The following CCSER1 variants were observed in gnomAD, a reference collection of about 807,000 sequenced individuals.
CCSER1 encodes serine-rich coiled-coil domain-containing protein 1.
In CCSER1, 41 loss-of-function variants were observed where a neutral mutation model predicts 82.0. The observed-to-expected ratio is 0.50, with a 90% CI of 0.39 to 0.65. CCSER1 has a LOEUF of 0.65. Among genes scored for constraint, CCSER1 ranks in the 30% least tolerant of loss-of-function variants. The pLI is 0.00. For missense variants in CCSER1, 1,119 were observed against 1,064.2 expected, an observed-to-expected ratio of 1.05 and a Z score of -0.72; for synonymous variants, 414 against 383.9, an observed-to-expected ratio of 1.08 and a Z score of -0.92.
intron 5 of CCSER1, among the ~76,000 whole-genome samples, chr4:90,608,250 C>A (rs1784993924): frequency 6.6e-6 from 1 of 152,100 alleles, no homozygotes; most frequent in Non-Finnish European, 1.5e-5. Flanking sequence ...GTTGGCCAGG[C>A]CACGGTGTTA....
intron 5 of CCSER1, among the ~76,000 whole-genome samples, chr4:90,553,850 A>G (rs1183447152): frequency 2.0e-5 from 3 of 152,226 alleles, no homozygotes; most frequent in East Asian, 1.9e-4. Context: ...TCTCATGTGT[A>G]AAATGATTTC....
At chr4:90,157,789 A>G (rs1257265785) in intron 1 of CCSER1, among the ~76,000 whole-genome samples, 8 of 152,014 alleles carry the variant, frequency 5.3e-5, no homozygotes, top group Non-Finnish European at 1.2e-4. Flanking sequence ...ATTTTTTTCG[A>G]AGTTTTTAAC....
chr4:91,164,069 A>T (rs1276842611), intron 10 of CCSER1, among the ~76,000 whole-genome samples: 2 of 152,120 alleles, frequency 1.3e-5, no homozygotes, highest in Non-Finnish European at 2.9e-5. Flanking sequence ...GGCTGGTACC[A>T]GTTGTTCCTT....
intron 10 of CCSER1, among the ~76,000 whole-genome samples, chr4:91,305,874 A>G (rs1352498654): frequency 6.6e-6 from 1 of 151,920 alleles, no homozygotes; most frequent in East Asian, 2.0e-4. Flanking sequence ...GGGAACTGCC[A>G]TTTATAAAAC....
intron 10 of CCSER1, among the ~76,000 whole-genome samples, chr4:91,337,546 G>C (rs552166192): frequency 6.6e-6 from 1 of 152,002 alleles, no homozygotes; most frequent in African/African-American, 2.4e-5. Flanking sequence ...GCTTCTTTAC[G>C]TAACCCTTAA....
chr4:91,013,248 G>A (rs1256129361), intron 9 of CCSER1, among the ~76,000 whole-genome samples: 1 of 133,088 alleles, frequency 7.5e-6, no homozygotes, highest in Non-Finnish European at 1.7e-5. Flanking sequence ...TTTATGTATC[G>A]TGTTAAGATA....
chr4:91,487,923 T>C (rs1000572042), intron 10 of CCSER1, among the ~76,000 whole-genome samples: 2 of 152,004 alleles, frequency 1.3e-5, no homozygotes, highest in African/African-American at 4.8e-5. Flanking sequence ...AAATGTTATA[T>C]TTTTATTCTG....
chr4:90,742,689 G>T (rs1276605525), intron 7 of CCSER1, among the ~76,000 whole-genome samples: 1 of 152,124 alleles, frequency 6.6e-6, no homozygotes, highest in African/African-American at 2.4e-5. Context: ...CAAATAAAAT[G>T]TAATAAGGAA....
rs539993976 is a variant in CCSER1, at chr4:90,572,339, G to C, written c.1725-55686G>C. 3.0e-4 allele frequency among the ~76,000 whole-genome samples: 46 copies of C among 152,120 alleles called. 1 individual carries two copies. In the South Asian group the frequency reaches 8.9e-3, roughly 30 times the overall value. ...AGTCTTATTTTGGCTAAATCTGCTT[G>C]GAGAACATTTAACTTCTTGTACCTG... On this transcript the variant is annotated intron_variant, in intron 5 of 10. Transcript: ENST00000509176.
At chr4:91,430,904 A>T (rs17018508) in intron 10 of CCSER1, among the ~76,000 whole-genome samples, 1,930 of 152,304 alleles carry the variant, frequency 0.013, 30 homozygotes, top group African/African-American at 0.041. Context: ...TCATGTAAAC[A>T]ATCTGTTTTA....
chr4:90,821,679 G>A (rs893172996), intron 8 of CCSER1, among the ~76,000 whole-genome samples: 39 of 152,072 alleles, frequency 2.6e-4, no homozygotes, highest in African/African-American at 9.2e-4. Flanking sequence ...ATAATAAAAG[G>A]TATTTTAAAT....
chr4:91,276,406 T>C (rs1296488723), intron 10 of CCSER1, among the ~76,000 whole-genome samples: 2 of 151,812 alleles, frequency 1.3e-5, no homozygotes, highest in African/African-American at 4.8e-5. Context: ...TTTGTAGCTA[T>C]TGAAAAATGA....
intron 1 of CCSER1, 146 bp from the exon 2 acceptor site, chr4:90,308,097 CT>C (rs1452902066): frequency 3.7e-6 from 2 of 541,524 alleles, no homozygotes; most frequent in Non-Finnish European, 6.0e-6. Flanking sequence ...TTCAAAAAAT[CT>C]TTATTAGGTA....
intron 1 of CCSER1, among the ~76,000 whole-genome samples, chr4:90,141,020 A>ATATCTATCTATCTATC (rs60163485): frequency 0.11 from 15,441 of 145,822 alleles, 879 homozygotes; most frequent in East Asian, 0.15. Flanking sequence ...ACCCAGCAAG[A>ATATCTATCTATCTATC]TATCTATCTA....
chr4:90,528,337 G>T (rs1774050874), intron 5 of CCSER1, among the ~76,000 whole-genome samples: 1 of 151,976 alleles, frequency 6.6e-6, no homozygotes, highest in African/African-American at 2.4e-5. Context: ...TCAGTAATTG[G>T]CACCAACCAG....
chr4:91,088,910 G>T (rs907255251), intron 10 of CCSER1, among the ~76,000 whole-genome samples: 5 of 151,806 alleles, frequency 3.3e-5, no homozygotes, highest in African/African-American at 1.2e-4. Context: ...TTTCTTAAAA[G>T]ACTTTAAAAT....
intron 3 of CCSER1, among the ~76,000 whole-genome samples, chr4:90,388,948 T>C (rs993067303): frequency 3.3e-5 from 5 of 152,200 alleles, no homozygotes; most frequent in African/African-American, 1.2e-4. Context: ...ATGATAAATA[T>C]TAACTTATAA....
intron 10 of CCSER1, among the ~76,000 whole-genome samples, chr4:91,137,161 C>T (rs1159128373): frequency 8.7e-6 from 1 of 115,372 alleles, no homozygotes; most frequent in East Asian, 3.1e-4. Context: ...TCCCTCCCCC[C>T]TCCCCCCACC....
chr4:90,372,100 G>T (rs1304955484), intron 3 of CCSER1, among the ~76,000 whole-genome samples: 2 of 151,928 alleles, frequency 1.3e-5, no homozygotes, highest in African/African-American at 4.8e-5. Flanking sequence ...TTCAATTGCT[G>T]TATACCTCCA....
Sources: gnomAD v4.1 joint callset for allele counts (sites outside exome capture counted in the v4.1 genomes callset) on GRCh38, gnomAD v4.1.1 for gene constraint, MANE v1.5 for transcripts, NCBI Gene and HGNC (gene_info 2026-07-23, HGNC 2026-07-21) for gene names.